Variants in ERO1A observed in about 807,000 individuals in gnomAD.
The protein encoded by ERO1A is ERO1-like protein alpha.
In ERO1A, 49 loss-of-function variants were observed where a neutral mutation model predicts 76.9. The observed-to-expected ratio is 0.64, with a 90% CI of 0.51 to 0.81. The LOEUF (loss-of-function observed/expected upper bound fraction) is 0.81. Ranked by LOEUF, ERO1A falls within the 30% of genes least tolerant of loss-of-function variation. The pLI, the probability that ERO1A is intolerant of heterozygous loss-of-function variation, is 0.00. For synonymous variants in ERO1A, 174 were observed against 181.2 expected, an observed-to-expected ratio of 0.96 and a Z score of 0.32; for missense variants, 448 against 542.1, an observed-to-expected ratio of 0.83 and a Z score of 1.72.
At chr14:52,682,637 GC>G (rs2041036551) in intron 2 of ERO1A, among the ~76,000 whole-genome samples, 1 of 152,186 alleles carries the variant, frequency 6.6e-6, no homozygotes, top group African/African-American at 2.4e-5. Context: ...AGTGGCTTAT[GC>G]CTGTAATCCC....
intron 4 of ERO1A, among the ~76,000 whole-genome samples, chr14:52,676,772 C>T (rs2040798239): frequency 6.6e-6 from 1 of 151,658 alleles, no homozygotes; most frequent in African/African-American, 2.4e-5. Context: ...TCGTGGCTCA[C>T]ACCTGTAATC....
rs78438840 is a variant in ERO1A, at chr14:52,657,505, T to A, written c.808+412A>T. ...CTGATGAAAATCAACCACAGTCTCA[T>A]TTTCAACAGTATTAAGGCATCAACA... On this transcript the variant is annotated intron_variant, in intron 11 of 15. Coordinates refer to ENST00000395686, the MANE Select transcript of ERO1A (RefSeq NM_014584.3). Among the ~76,000 whole-genome samples, 390 of 152,310 alleles carry A rather than the reference T, an allele frequency of 2.6e-3. 2 individuals are homozygous for A. The highest frequency in any genetic ancestry group is 9.0e-3 in the African/African-American group (375 of 41,566).
At chr14:52,654,466 T>A (rs1297455180) in intron 11 of ERO1A, among the ~76,000 whole-genome samples, 1 of 152,186 alleles carries the variant, frequency 6.6e-6, no homozygotes, top group African/African-American at 2.4e-5. Flanking sequence ...AGTAAATTTA[T>A]ATGTTTATTG....
intron 6 of ERO1A, among the ~76,000 whole-genome samples, chr14:52,668,047 A>G (rs2040470572): frequency 6.6e-6 from 1 of 152,118 alleles, no homozygotes; most frequent in Admixed American, 6.5e-5. Flanking sequence ...GAAGCAGTAC[A>G]ATGACGGCAT....
intron 1 of ERO1A, among the ~76,000 whole-genome samples, chr14:52,685,801 G>T (rs1490314683): frequency 6.6e-6 from 1 of 152,122 alleles, no homozygotes; most frequent in Non-Finnish European, 1.5e-5. Context: ...CTGCTCCCAA[G>T]ACACTCCACA....
At chr14:52,686,089 G>T (rs1248724918) in intron 1 of ERO1A, among the ~76,000 whole-genome samples, 3 of 152,206 alleles carry the variant, frequency 2.0e-5, no homozygotes. Flanking sequence ...GCCCATGCCT[G>T]TTGTCCCAGC....
At chr14:52,685,338 C>T (rs1432725579) in intron 1 of ERO1A, among the ~76,000 whole-genome samples, 1 of 152,172 alleles carries the variant, frequency 6.6e-6, no homozygotes, top group Non-Finnish European at 1.5e-5. Flanking sequence ...CATGTAATAA[C>T]TATTTTCATT....
intron 4 of ERO1A, among the ~76,000 whole-genome samples, chr14:52,678,005 C>T (rs112161453): frequency 0.14 from 21,077 of 151,958 alleles, 1,650 homozygotes; most frequent in South Asian, 0.26. Flanking sequence ...GTGGCTCACG[C>T]CTATAATCCC....
At chr14:52,671,904 CTT>C (rs773606389) in intron 4 of ERO1A, 33 bp from the exon 5 acceptor site, 18 of 1,339,612 alleles carry the variant, frequency 1.3e-5, no homozygotes, top group South Asian at 2.6e-5. Context: ...TAGATAATAA[CTT>C]ATTGCATTTT....
intron 7 of ERO1A, among the ~76,000 whole-genome samples, chr14:52,664,384 TC>T (rs1279552120): frequency 6.6e-6 from 1 of 152,152 alleles, no homozygotes; most frequent in Non-Finnish European, 1.5e-5. Flanking sequence ...ACAGAAATTT[TC>T]TGGAGAGTTA....
chr14:52,656,845 G>C (rs2040067073), intron 11 of ERO1A, among the ~76,000 whole-genome samples: 1 of 152,038 alleles, frequency 6.6e-6, no homozygotes. Flanking sequence ...CAAATCACTT[G>C]AGCTCAGGAG....
Position 52,643,582 on chromosome 14 carries a change from C to A in ERO1A, c.1395G>T (p.Gln465His). 1 of 1,479,920 alleles carries A rather than the reference C, an allele frequency of 6.8e-7. No individual in the cohort carries two copies. The highest frequency in any genetic ancestry group is 8.9e-7 in the Non-Finnish European group (1 of 1,120,928). The allele number at this position is 1,479,920 out of a possible 1,614,324, so 91.7% of individuals were successfully genotyped here. A position where few individuals can be genotyped will look rare whatever the true frequency, so the allele number is the denominator to read the frequency against. Residue 465 changes from glutamine (Q) to histidine (H), a missense_variant, in exon 16 of 16, where the codon CAG becomes CAT. Coordinates refer to ENST00000395686, the MANE Select transcript of ERO1A (RefSeq NM_014584.3). Reference protein sequence around the residue: ...KELENFRNLLQNIH With the variant: ...KELENFRNLLHNIH ...CAGCTTGTTTTCTTTAATGAATATT[C>A]TGTAACAAGTTCCTGAAGTTTTCTA...
intron 13 of ERO1A, chr14:52,646,969 G>GTTTTTTT (rs1566633921): frequency 9.0e-6 from 1 of 110,712 alleles, no homozygotes. Context: ...AAATCCTTTG[G>GTTTTTTT]TTTCTTTTTT....
At position 52,657,945 on chromosome 14, in the gene ERO1A, C is replaced by T. The variant is rs373745417; in HGVS notation, c.780G>A (p.Val260=). ...GTAAAAGATATCTTGCACTCAAATG[C>T]ACATTAATGCTTGCATGTAGGCCAG... The part of the protein sequence containing the change: ...LISGLHASIN[V]HLSARYLLQE... Residue 260 remains valine (V), a synonymous_variant, in exon 11 of 16, where the codon GTG becomes GTA. Coordinates refer to ENST00000395686, the MANE Select transcript of ERO1A (RefSeq NM_014584.3). 13 of 1,611,248 alleles carry T rather than the reference C, an allele frequency of 8.1e-6. No individual in the cohort carries two copies. Among genetic ancestry groups the T allele is most frequent in the Admixed American group, 1.7e-5 (1 of 59,734 alleles).
intron 4 of ERO1A, 21 bp downstream of exon 4, chr14:52,678,413 T>C: frequency 6.2e-7 from 1 of 1,606,118 alleles, no homozygotes; most frequent in African/African-American, 1.3e-5. Flanking sequence ...ACTGGACACA[T>C]CAATAGGTAT....
chr14:52,665,433 G>C (rs1319580260), intron 7 of ERO1A, among the ~76,000 whole-genome samples: 1 of 149,458 alleles, frequency 6.7e-6, no homozygotes, highest in African/African-American at 2.5e-5. Context: ...TTCCAAACTG[G>C]AGAAATTCTT....
intron 1 of ERO1A, among the ~76,000 whole-genome samples, chr14:52,691,803 G>C (rs1293060474): frequency 6.6e-6 from 1 of 152,186 alleles, no homozygotes; most frequent in East Asian, 1.9e-4. Context: ...TCATGAGCAA[G>C]TAAGAGTTTA....
rs1414927076 is a variant in ERO1A at position 52,641,655 on chromosome 14, G to C, written c.*1915C>G. ...AAAAAGGAAGGGAAGCATAAGATGA[G>C]AGAGAGGGACACACAAAAAATGGCC... is the stretch of plus-strand genomic sequence containing the variant. On this transcript the variant is annotated 3_prime_UTR_variant, in exon 16 of 16. Transcript: ENST00000395686. 6.6e-6 allele frequency: 1 copy of C among 151,812 alleles called. No homozygotes were observed. The highest frequency in any genetic ancestry group is 1.5e-5 in the Non-Finnish European group (1 of 68,002). 9.4% of individuals were successfully genotyped at this position (151,812 alleles called of 1,614,324 possible).
intron 13 of ERO1A, among the ~76,000 whole-genome samples, chr14:52,649,943 TG>T (rs1295142743): frequency 1.3e-5 from 2 of 152,136 alleles, no homozygotes; most frequent in African/African-American, 4.8e-5. Context: ...CTGGGTATGG[TG>T]GTGGCTCACA....
Sources: allele counts gnomAD v4.1 joint callset (sites outside exome capture counted in the v4.1 genomes callset), GRCh38; gene constraint gnomAD v4.1.1; transcripts MANE v1.5; gene names NCBI Gene and HGNC (gene_info 2026-07-23, HGNC 2026-07-21).